The following CILK1 variants were observed in gnomAD, a reference collection of about 807,000 sequenced individuals.
The protein encoded by CILK1 is ciliogenesis associated kinase 1.
Under a neutral mutation model 79.2 loss-of-function variants are expected in CILK1, and 47 were observed. The observed-to-expected ratio is 0.59, with a 90% CI of 0.47 to 0.76. The LOEUF (loss-of-function observed/expected upper bound fraction) is 0.76, where lower values mean the gene tolerates loss of function less well. CILK1 is among the 30% of genes least tolerant of loss of function. CILK1 has a pLI of 0.00. For synonymous variants in CILK1, 266 were observed against 275.9 expected, an observed-to-expected ratio of 0.96 and a Z score of 0.36; for missense variants, 660 against 769.5, an observed-to-expected ratio of 0.86 and a Z score of 1.68.
intron 1 of CILK1, among the ~76,000 whole-genome samples, chr6:53,058,558 CTGTT>C (rs1393702611): frequency 6.6e-6 from 1 of 152,144 alleles, no homozygotes. Context: ...ACACACACCT[CTGTT>C]TGCGCATTCT....
rs961522947 is a variant in CILK1, at chr6:53,018,237, G to A, written c.663+93C>T. 36 of 1,203,038 alleles carry A rather than the reference G, an allele frequency of 3.0e-5. 1 individual carries two copies. In the East Asian group the frequency reaches 5.3e-4, roughly 18 times the overall value. 74.5% of individuals were successfully genotyped at this position (1,203,038 alleles called of 1,614,324 possible). A position where few individuals can be genotyped will look rare whatever the true frequency, so the allele number is the denominator to read the frequency against. On this transcript the variant is annotated intron_variant, in intron 7 of 13. Coordinates refer to ENST00000676107, the MANE Select transcript of CILK1 (RefSeq NM_014920.5). ...AAGAGAAAGAGCCTAGAATGGGCAG[G>A]TGCTCAATCATGCCAGTGCTGAACA... is the stretch of plus-strand genomic sequence containing the variant.
At chr6:53,042,129 T>C (rs1766759937) in intron 1 of CILK1, among the ~76,000 whole-genome samples, 1 of 152,218 alleles carries the variant, frequency 6.6e-6, no homozygotes, top group Admixed American at 6.5e-5. Context: ...AACCTATTGA[T>C]AAGTTAAATG....
chr6:53,028,465 C>G (rs1039222936), intron 5 of CILK1, among the ~76,000 whole-genome samples: 2 of 152,172 alleles, frequency 1.3e-5, no homozygotes, highest in African/African-American at 2.4e-5. Flanking sequence ...TGCAATGGGA[C>G]CTTTCACAGG....
At chr6:53,025,840 A>G (rs1253105206) in intron 5 of CILK1, among the ~76,000 whole-genome samples, 1 of 152,186 alleles carries the variant, frequency 6.6e-6, no homozygotes, top group African/African-American at 2.4e-5. Flanking sequence ...ATGGGCTGTT[A>G]TTAGCCTTAT....
rs370115059 is a variant in CILK1 at position 53,016,184 on chromosome 6, T to C, written c.730A>G (p.Asn244Asp). Residue 244 changes from asparagine to aspartate, a missense_variant, in exon 8 of 14, where the codon AAT (asparagine) becomes GAT (aspartate). Asn to Asp is a conservative substitution (Grantham distance 23, BLOSUM62 1). Transcript: ENST00000676107. Reference protein sequence around the residue: ...MNFRWPQCVPNNLKTLIPNAS... With the variant: ...MNFRWPQCVPDNLKTLIPNAS... ...TTGGGAATCAAGGTCTTTAAGTTAT[T>C]GGGTACACACTGTGGCCAACGGAAG... 4.3e-6 allele frequency: 7 copies of C among 1,613,994 alleles called. No individual in the cohort carries two copies. In the African/African-American group the frequency reaches 9.3e-5, roughly 22 times the overall value.
chr6:53,022,263 CCTTCAT>C (rs1765293892), intron 5 of CILK1, among the ~76,000 whole-genome samples: 2 of 152,106 alleles, frequency 1.3e-5, no homozygotes, highest in Non-Finnish European at 2.9e-5. Flanking sequence ...GTGTCCTAGA[CCTTCAT>C]ACTCACTCAC....
At chr6:53,029,474 C>G (rs1477672805) in intron 5 of CILK1, among the ~76,000 whole-genome samples, 1 of 152,170 alleles carries the variant, frequency 6.6e-6, no homozygotes, top group African/African-American at 2.4e-5. Context: ...CTGAGGCAGA[C>G]TAGGATTTGC....
At chr6:53,055,158 C>A (rs924701543) in intron 1 of CILK1, among the ~76,000 whole-genome samples, 1 of 152,258 alleles carries the variant, frequency 6.6e-6, no homozygotes, top group African/African-American at 2.4e-5. Context: ...TTTCATTTAT[C>A]CTCCTAGGAA....
chr6:53,024,078 G>T (rs1234140101), intron 5 of CILK1, among the ~76,000 whole-genome samples: 52 of 152,318 alleles, frequency 3.4e-4, no homozygotes. Context: ...GACAGGCACA[G>T]CAAGTTTGCT....
chr6:53,019,721 C>A (rs949693833), intron 5 of CILK1, among the ~76,000 whole-genome samples: 1 of 152,144 alleles, frequency 6.6e-6, no homozygotes, highest in African/African-American at 2.4e-5. Flanking sequence ...GGTTGGAGTG[C>A]AGTGGCACAA....
At chr6:53,006,094 C>A (rs1450864586) in intron 13 of CILK1, among the ~76,000 whole-genome samples, 1 of 152,210 alleles carries the variant, frequency 6.6e-6, no homozygotes, top group Non-Finnish European at 1.5e-5. Flanking sequence ...CCAACCCCCA[C>A]AATCCCTACC....
intron 1 of CILK1, among the ~76,000 whole-genome samples, chr6:53,043,329 T>C (rs1766833843): frequency 1.3e-5 from 2 of 151,184 alleles, no homozygotes; most frequent in South Asian, 2.1e-4. Context: ...AATATATATA[T>C]ATATATTAAA....
Position 53,005,171 on chromosome 6 carries a change from G to A in CILK1, c.1877C>T (p.Ser626Phe), listed in dbSNP as rs1364566933. 6.2e-7 allele frequency: 1 copy of A among 1,614,208 alleles called. No homozygotes were observed. Among genetic ancestry groups the A allele is most frequent in the Admixed American group, 1.7e-5 (1 of 60,026 alleles). Reference protein sequence around the residue: ...QPVHGRTDWASKYASRR With the variant: ...QPVHGRTDWAFKYASRR Reference sequence around the variant, plus strand: ...CAGTCATCGCCGAGATGCGTACTTGGAAGCCCAGTCTGTCCGGCCATGCAC... The same window carrying A: ...CAGTCATCGCCGAGATGCGTACTTGAAAGCCCAGTCTGTCCGGCCATGCAC... The change falls in exon 14 of 14, where the codon TCC (serine) becomes TTC (phenylalanine). Residue 626 changes from serine to phenylalanine, a missense_variant. By Grantham distance (155) the Ser-to-Phe change is radical. Coordinates refer to ENST00000676107, the MANE Select transcript of CILK1 (RefSeq NM_014920.5).
intron 5 of CILK1, among the ~76,000 whole-genome samples, chr6:53,019,832 G>GTTT (rs11308649): frequency 2.9e-5 from 4 of 140,096 alleles, no homozygotes; most frequent in African/African-American, 1.0e-4. Flanking sequence ...TAGTTTTTTT[G>GTTT]TTTTTTTTTT....
chr6:53,019,663 GTCAC>G (rs1160380765), intron 5 of CILK1, among the ~76,000 whole-genome samples: 2 of 152,016 alleles, frequency 1.3e-5, no homozygotes, highest in Non-Finnish European at 2.9e-5. Context: ...AAAATAAACT[GTCAC>G]TCAAGGGAAA....
Position 53,056,090 on chromosome 6 carries a change from T to C in CILK1, c.-173+5506A>G, listed in dbSNP as rs79281226. On this transcript the variant is annotated intron_variant, in intron 1 of 13. Coordinates refer to ENST00000676107, the MANE Select transcript of CILK1 (RefSeq NM_014920.5). ...ATGTAGATAGTAACTTTCATGATAC[T>C]GGCAAATAAGTAGCTGGACGTTACA... Among the ~76,000 whole-genome samples, 104 of 152,316 alleles carry C rather than the reference T, an allele frequency of 6.8e-4. No homozygotes were observed. The East Asian group carries it at 0.017, about 24-fold the overall frequency.
Position 53,002,265 on chromosome 6 carries a change from C to T in CILK1, c.*2884G>A, listed in dbSNP as rs189806458. 1.3e-5 allele frequency: 2 copies of T among 152,264 alleles called. No homozygotes were observed. The highest frequency in any genetic ancestry group is 2.4e-5 in the African/African-American group (1 of 41,524). 9.4% of individuals were successfully genotyped at this position (152,264 alleles called of 1,614,324 possible). On this transcript the variant is annotated 3_prime_UTR_variant, in exon 14 of 14. Transcript: ENST00000676107. ...GCACTACCTGGGGCACATCAATACCCCTACAACGCACCTTCGTCACTGAAT... is the reference window on the plus strand; with the variant it reads ...GCACTACCTGGGGCACATCAATACCTCTACAACGCACCTTCGTCACTGAAT...
At chr6:53,034,102 T>C (rs1236757462) in intron 3 of CILK1, among the ~76,000 whole-genome samples, 2 of 152,264 alleles carry the variant, frequency 1.3e-5, no homozygotes, top group African/African-American at 2.4e-5. Flanking sequence ...CTATCTTTTA[T>C]GCCTGTTTGC....
At chr6:53,059,176 A>G (rs1768201023) in intron 1 of CILK1, among the ~76,000 whole-genome samples, 1 of 152,160 alleles carries the variant, frequency 6.6e-6, no homozygotes, top group Non-Finnish European at 1.5e-5. Context: ...TATGCCAGTT[A>G]TGGGTAGGCA....
Sources: allele counts gnomAD v4.1 joint callset (sites outside exome capture counted in the v4.1 genomes callset), GRCh38; gene constraint gnomAD v4.1.1; transcripts MANE v1.5; gene names NCBI Gene and HGNC (gene_info 2026-07-23, HGNC 2026-07-21).